The following FSTL5 variants were observed in gnomAD, a reference collection of about 807,000 sequenced individuals.
FSTL5 encodes follistatin like 5.
FSTL5 carries 62 observed loss-of-function variants against 89.1 expected under a neutral mutation model. That is an observed-to-expected ratio of 0.70 (90% CI 0.57 to 0.86). The LOEUF (loss-of-function observed/expected upper bound fraction) is 0.86. Among genes scored for constraint, FSTL5 ranks in the 40% least tolerant of loss-of-function variants. The pLI, the probability that FSTL5 is intolerant of heterozygous loss-of-function variation, is 0.00. For synonymous variants in FSTL5, 383 were observed against 346.2 expected, an observed-to-expected ratio of 1.11 and a Z score of -1.18; for missense variants, 1,057 against 1,001.6, an observed-to-expected ratio of 1.06 and a Z score of -0.75.
intron 2 of FSTL5, among the ~76,000 whole-genome samples, chr4:162,052,120 CAG>C (rs1322342591): frequency 6.6e-6 from 1 of 151,382 alleles, no homozygotes; most frequent in Non-Finnish European, 1.5e-5. Context: ...GGAAATACAA[CAG>C]AGACTTGATG....
At chr4:162,091,140 C>A (rs970321760) in intron 2 of FSTL5, among the ~76,000 whole-genome samples, 2 of 152,146 alleles carry the variant, frequency 1.3e-5, no homozygotes, top group Admixed American at 1.3e-4. Context: ...AAAATCATTT[C>A]TTTCAGGTTT....
At chr4:161,836,430 TG>T (rs1366709691) in intron 4 of FSTL5, among the ~76,000 whole-genome samples, 2 of 148,894 alleles carry the variant, frequency 1.3e-5, no homozygotes, top group African/African-American at 5.0e-5. Context: ...ATTGTGCACA[TG>T]TAACCTAAAA....
intron 15 of FSTL5, among the ~76,000 whole-genome samples, chr4:161,432,035 C>T (rs1732396394): frequency 6.6e-6 from 1 of 152,132 alleles, no homozygotes; most frequent in South Asian, 2.1e-4. Context: ...ACTGTGCTTT[C>T]AGCATTGGAC....
At chr4:161,425,167 C>T (rs1732128313) in intron 15 of FSTL5, among the ~76,000 whole-genome samples, 1 of 152,162 alleles carries the variant, frequency 6.6e-6, no homozygotes, top group African/African-American at 2.4e-5. Flanking sequence ...AAATAACACA[C>T]TGCAAATGAG....
intron 3 of FSTL5, among the ~76,000 whole-genome samples, chr4:161,993,587 T>C (rs1413569563): frequency 1.3e-5 from 2 of 152,106 alleles, no homozygotes; most frequent in Non-Finnish European, 2.9e-5. Flanking sequence ...TTTTGTGCTT[T>C]GGGTGTACAT....
intron 4 of FSTL5, among the ~76,000 whole-genome samples, chr4:161,816,531 T>C (rs911577795): frequency 6.6e-6 from 1 of 152,202 alleles, no homozygotes; most frequent in Admixed American, 6.5e-5. Flanking sequence ...ATAAATTTGC[T>C]AGTACAACCT....
At chr4:161,681,701 T>C (rs761721865) in intron 6 of FSTL5, among the ~76,000 whole-genome samples, 16 of 151,546 alleles carry the variant, frequency 1.1e-4, no homozygotes, top group Non-Finnish European at 2.1e-4. Context: ...TATATGCTTA[T>C]AACTATATTT....
intron 4 of FSTL5, among the ~76,000 whole-genome samples, chr4:161,797,440 C>T (rs1420202014): frequency 4.6e-5 from 7 of 151,590 alleles, no homozygotes; most frequent in African/African-American, 1.7e-4. Flanking sequence ...AGCATTTAAT[C>T]TTCCTAGTTT....
chr4:161,842,576 T>C (rs1731245843), intron 4 of FSTL5, among the ~76,000 whole-genome samples: 1 of 152,140 alleles, frequency 6.6e-6, no homozygotes, highest in South Asian at 2.1e-4. Flanking sequence ...AATGATTATA[T>C]GTTACTGTAA....
intron 11 of FSTL5, 132 bp from the exon 12 acceptor site, chr4:161,500,266 A>G: frequency 3.4e-6 from 2 of 586,934 alleles, no homozygotes; most frequent in Non-Finnish European, 6.0e-6. Context: ...AAAGCAAACC[A>G]TATGGGACCC....
intron 15 of FSTL5, among the ~76,000 whole-genome samples, chr4:161,446,573 G>T (rs184208133): frequency 3.8e-4 from 58 of 151,928 alleles, no homozygotes; most frequent in Middle Eastern, 3.4e-3. Flanking sequence ...ATGATACAAA[G>T]AATTAAAAAC....
chr4:161,482,843 T>C (rs979494432), intron 12 of FSTL5, among the ~76,000 whole-genome samples: 1 of 152,216 alleles, frequency 6.6e-6, no homozygotes, highest in Non-Finnish European at 1.5e-5. Flanking sequence ...TCCATTAATT[T>C]TTAAGATCTG....
intron 11 of FSTL5, among the ~76,000 whole-genome samples, chr4:161,506,520 C>A (rs1221437679): frequency 6.6e-6 from 1 of 151,900 alleles, no homozygotes; most frequent in Non-Finnish European, 1.5e-5. Flanking sequence ...TTGGTTGAAC[C>A]CATCTCCTGA....
intron 3 of FSTL5, among the ~76,000 whole-genome samples, chr4:162,029,575 G>A (rs1311524818): frequency 6.6e-6 from 1 of 152,082 alleles, no homozygotes; most frequent in Admixed American, 6.6e-5. Context: ...ACTTCTCAAA[G>A]ATAAGTAATT....
intron 4 of FSTL5, among the ~76,000 whole-genome samples, chr4:161,822,342 G>A (rs995300380): frequency 3.3e-5 from 5 of 152,174 alleles, no homozygotes; most frequent in African/African-American, 1.2e-4. Context: ...CACACTACCA[G>A]CTCAGATTCC....
intron 4 of FSTL5, among the ~76,000 whole-genome samples, chr4:161,822,999 GAA>G (rs1560865461): frequency 1.3e-5 from 2 of 152,174 alleles, no homozygotes. Flanking sequence ...TCTCAGCAGA[GAA>G]GAGACCTACT....
intron 15 of FSTL5, among the ~76,000 whole-genome samples, chr4:161,432,440 C>T (rs1284871767): frequency 6.6e-6 from 1 of 151,798 alleles, no homozygotes; most frequent in Non-Finnish European, 1.5e-5. Context: ...CCTAAATCCA[C>T]AATGTGAACC....
At chr4:161,953,417 C>A (rs574316792) in intron 3 of FSTL5, among the ~76,000 whole-genome samples, 1 of 151,370 alleles carries the variant, frequency 6.6e-6, no homozygotes, top group East Asian at 1.9e-4. Flanking sequence ...GGTTAAATAA[C>A]CTGGAAAAAA....
intron 4 of FSTL5, among the ~76,000 whole-genome samples, chr4:161,829,687 T>C (rs1730782897): frequency 6.6e-6 from 1 of 152,076 alleles, no homozygotes. Context: ...GTGATTACAA[T>C]AAAAACCACC....
Sources: allele counts gnomAD v4.1 joint callset (sites outside exome capture counted in the v4.1 genomes callset), GRCh38; gene constraint gnomAD v4.1.1; transcripts MANE v1.5; gene names NCBI Gene and HGNC (gene_info 2026-07-23, HGNC 2026-07-21).